The following COL8A2 variants were observed in gnomAD, a reference collection of about 807,000 sequenced individuals.
COL8A2 encodes the protein collagen alpha-2(VIII) chain.
A neutral mutation model predicts 24.0 loss-of-function variants in COL8A2; 16 were observed. The observed-to-expected ratio is 0.67, with a 90% CI of 0.45 to 1.01. The LOEUF is 1.01. Ranked by LOEUF, COL8A2 falls within the 50% of genes least tolerant of loss-of-function variation. The pLI, the probability that COL8A2 is intolerant of heterozygous loss-of-function variation, is 0.00. For missense variants in COL8A2, 818 were observed against 942.4 expected (o/e 0.87, Z 1.73); for synonymous variants, 466 against 424.5 (o/e 1.10, Z -1.20).
intron 2 of COL8A2, among the ~76,000 whole-genome samples, chr1:36,106,055 G>C (rs543247014): frequency 6.6e-6 from 1 of 151,638 alleles, no homozygotes; most frequent in East Asian, 1.9e-4. Flanking sequence ...CGGATCACCT[G>C]AGGTCAGGAG....
chr1:36,099,956 T>G, intron 3 of COL8A2, 94 bp downstream of exon 3: 1 of 1,200,604 alleles, frequency 8.3e-7, no homozygotes, highest in Non-Finnish European at 1.2e-6. Flanking sequence ...TGAGGAGCTG[T>G]GGAGGGCGCC....
chr1:36,114,993 A>G (rs1323659693), intron 2 of COL8A2, among the ~76,000 whole-genome samples: 1 of 152,144 alleles, frequency 6.6e-6, no homozygotes, highest in African/African-American at 2.4e-5. Flanking sequence ...AGTGCCCAGG[A>G]AGGTAAGAAC....
chr1:36,103,868 G>A (rs1174315947), intron 2 of COL8A2, among the ~76,000 whole-genome samples: 2 of 151,948 alleles, frequency 1.3e-5, no homozygotes, highest in African/African-American at 4.8e-5. Context: ...ACAGACGTAA[G>A]CCACCACACC....
chr1:36,120,073 C>T (rs1278335040), intron 1 of COL8A2, among the ~76,000 whole-genome samples: 1 of 152,186 alleles, frequency 6.6e-6, no homozygotes, highest in African/African-American at 2.4e-5. Context: ...ACCATCCCAG[C>T]CCTCACGGTT....
At chr1:36,110,431 A>G (rs1168882619) in intron 2 of COL8A2, among the ~76,000 whole-genome samples, 2 of 152,060 alleles carry the variant, frequency 1.3e-5, no homozygotes, top group African/African-American at 4.8e-5. Flanking sequence ...TCAAAAGCTC[A>G]GGTTACTTGC....
intron 2 of COL8A2, 56 bp from the exon 3 acceptor site, chr1:36,100,314 G>A: frequency 1.4e-6 from 2 of 1,442,722 alleles, no homozygotes; most frequent in African/African-American, 1.4e-5. Context: ...TTGGCACTAG[G>A]CCCGGGGTCA....
rs149507814 is a variant in COL8A2 at position 36,100,563 on chromosome 1, C to T, written c.-16-305G>A. Among the ~76,000 whole-genome samples, 1,186 of 152,132 alleles carry T rather than the reference C, an allele frequency of 7.8e-3. 25 individuals carry two copies. The highest frequency in any genetic ancestry group is 0.027 in the African/African-American group (1,107 of 41,498). ...CAGCCAGTCACTCTCTGCAGCCGGG[C>T]GTGCCTTTTAGAGCAGTCTGACCTC... On this transcript the variant is annotated intron_variant, in intron 2 of 3. Transcript: ENST00000397799.
At chr1:36,105,635 A>G (rs1643747533) in intron 2 of COL8A2, among the ~76,000 whole-genome samples, 1 of 152,164 alleles carries the variant, frequency 6.6e-6, no homozygotes. Flanking sequence ...CCTGTGAGGT[A>G]TGTTATCCCT....
At chr1:36,118,094 T>C (rs992715975) in intron 1 of COL8A2, among the ~76,000 whole-genome samples, 28 of 152,182 alleles carry the variant, frequency 1.8e-4, no homozygotes, top group African/African-American at 6.8e-4. Flanking sequence ...GTTCATTGTA[T>C]GCACTGGACA....
intron 2 of COL8A2, among the ~76,000 whole-genome samples, chr1:36,106,954 GA>G (rs1347971649): frequency 2.0e-5 from 3 of 152,244 alleles, no homozygotes; most frequent in African/African-American, 7.2e-5. Flanking sequence ...TATGAGTGAG[GA>G]GGGTCTGAGT....
At chr1:36,117,356 C>A (rs1643884415) in intron 1 of COL8A2, among the ~76,000 whole-genome samples, 1 of 152,206 alleles carries the variant, frequency 6.6e-6, no homozygotes, top group Non-Finnish European at 1.5e-5. Context: ...CCATGAGACT[C>A]TGGGAGAAGA....
At chr1:36,106,571 C>A (rs572584283) in intron 2 of COL8A2, among the ~76,000 whole-genome samples, 1 of 152,270 alleles carries the variant, frequency 6.6e-6, no homozygotes, top group Admixed American at 6.5e-5. Flanking sequence ...CTGCTCTGGC[C>A]TGGTTGGCCC....
At chr1:36,108,948 T>G (rs1643799435) in intron 2 of COL8A2, among the ~76,000 whole-genome samples, 1 of 152,072 alleles carries the variant, frequency 6.6e-6, no homozygotes, top group South Asian at 2.1e-4. Context: ...ATTTCACAGG[T>G]GAGCGATCAG....
At chr1:36,119,640 C>A (rs1290300286) in intron 1 of COL8A2, among the ~76,000 whole-genome samples, 10 of 152,230 alleles carry the variant, frequency 6.6e-5, no homozygotes. Context: ...CCGTGGTCGC[C>A]TGTCAGGGAG....
In COL8A2 at chr1:36,115,673, G is replaced by T; in HGVS notation, c.-17+35C>A. On this transcript the variant is annotated intron_variant, in intron 2 of 3. Transcript: ENST00000397799. The surrounding 1 kb of genome is among the most constrained non-coding windows in gnomAD (Gnocchi z 5.7). Reference sequence around the variant, plus strand: ...TGAACACAGGCCTCATCTGGCCTGAGATATCAGAAAACCCCATCCCCAAAC... The same window carrying T: ...TGAACACAGGCCTCATCTGGCCTGATATATCAGAAAACCCCATCCCCAAAC... 1 of 981,456 alleles carries T rather than the reference G, an allele frequency of 1.0e-6. No homozygotes were observed. The highest frequency in any genetic ancestry group is 1.2e-6 in the Non-Finnish European group (1 of 826,356). The allele number at this position is 981,456 out of a possible 1,614,324, so 60.8% of individuals were successfully genotyped here. A position where few individuals can be genotyped will look rare whatever the true frequency, so the allele number is the denominator to read the frequency against.
rs116816979 is a variant in COL8A2 at position 36,119,989 on chromosome 1, C to T, written c.-61-4237G>A. Among the ~76,000 whole-genome samples, 959 of 152,234 alleles carry T rather than the reference C, an allele frequency of 6.3e-3. 7 individuals are homozygous for T. Among genetic ancestry groups the T allele is most frequent in the African/African-American group, 0.021 (889 of 41,548 alleles). ...AGGCCAGGACCCCCAGCTCAGGCCC[C>T]GCCTCTTCACAGAGGCTTCCCTCCC... On this transcript the variant is annotated intron_variant, in intron 1 of 3. Transcript: ENST00000397799.
rs1437551604 is a variant in COL8A2 at position 36,099,402 on chromosome 1, G to A, written c.279C>T (p.Pro93=). 7.7e-6 allele frequency: 12 copies of A among 1,556,284 alleles called. No homozygotes were observed. The highest frequency in any genetic ancestry group is 9.5e-6 in the Non-Finnish European group (11 of 1,154,608). ...GKPGPRGPPG[P]PGFPGKPGMG... ...TGCCTGGTTTTCCTGGGAAGCCAGG[G>A]GGGCCAGGGGGACCCCGAGGCCCGG... is the stretch of plus-strand genomic sequence containing the variant. The change falls in exon 4 of 4, where the codon CCC becomes CCT. Residue 93 remains proline, a synonymous_variant. Transcript: ENST00000397799.
Position 36,099,444 on chromosome 1 carries a change from G to A in COL8A2, c.237C>T (p.Pro79=), listed in dbSNP as rs577983925. The change falls in exon 4 of 4, where the codon CCC becomes CCT. Residue 79 remains proline, a synonymous_variant. Transcript: ENST00000397799. ...GAGGCCCGGGCTTCCCAGGGGGGCC[G>A]GGCTCTCCCTTCAGGTCCATCGGCA... ...PLLPMDLKGE[P]GPPGKPGPRG... 89 of 1,544,946 alleles carry A rather than the reference G, an allele frequency of 5.8e-5. No individual in the cohort carries two copies. In the East Asian group the frequency reaches 1.2e-3, roughly 20 times the overall value.
At chr1:36,107,942 ATCGCT>A (rs778687885) in intron 2 of COL8A2, among the ~76,000 whole-genome samples, 35 of 152,196 alleles carry the variant, frequency 2.3e-4, no homozygotes, top group Non-Finnish European at 4.4e-4. Flanking sequence ...GGTCCCCGTC[ATCGCT>A]CTTGTTTCCC....
Sources: gnomAD v4.1 joint callset for allele counts (sites outside exome capture counted in the v4.1 genomes callset) on GRCh38, gnomAD v4.1.1 for gene constraint, Gnocchi (gnomAD v3.1) non-coding constraint, MANE v1.5 for transcripts, NCBI Gene and HGNC (gene_info 2026-07-23, HGNC 2026-07-21) for gene names.